The following EIF4A3 variants were observed in gnomAD, a reference collection of about 807,000 sequenced individuals.
EIF4A3 encodes eukaryotic initiation factor 4A-III.
In EIF4A3, 1 loss-of-function variant was observed where a neutral mutation model predicts 55.6. That is an observed-to-expected ratio of 0.02 (90% CI 0.01 to 0.09). EIF4A3 has a LOEUF of 0.09. EIF4A3 is among the 10% of genes least tolerant of loss of function. EIF4A3 has a pLI of 1.00. For synonymous variants in EIF4A3, 194 were observed against 196.3 expected (o/e 0.99, Z 0.10); for missense variants, 221 against 540.7 (o/e 0.41, Z 5.86).
chr17:80,138,981 G>T (rs753819652), intron 7 of EIF4A3, 40 bp downstream of exon 7: 2 of 1,601,702 alleles, frequency 1.2e-6, no homozygotes, highest in East Asian at 4.5e-5. Flanking sequence ...TTATAAATGC[G>T]GCCCAGTGTT....
intron 1 of EIF4A3, 47 bp downstream of exon 1, chr17:80,146,746 G>A (rs766575376): frequency 3.2e-6 from 5 of 1,573,716 alleles, no homozygotes; most frequent in South Asian, 1.1e-5. Flanking sequence ...CCCCCGGCTC[G>A]CCCCCGACTC....
At chr17:80,135,725 G>A (rs538804767) in intron 11 of EIF4A3, 42 of 608,200 alleles carry the variant, frequency 6.9e-5, no homozygotes, top group African/African-American at 5.6e-4. Context: ...GTGAAACCCC[G>A]TCTCTACTAA....
chr17:80,135,753 G>C, intron 11 of EIF4A3: 1 of 609,258 alleles, frequency 1.6e-6, no homozygotes, highest in Non-Finnish European at 2.9e-6. Flanking sequence ...AAAATTAGCT[G>C]GCTATGGTGC....
chr17:80,142,484 G>A lies in EIF4A3; in HGVS notation c.243-636C>T, dbSNP rs958064567. ...CCTCATGTCACGGCGTGGTGGCTCA[G>A]GCCTGTATTCCCAACACTCTGGGAC... On this transcript the variant is annotated intron_variant, in intron 2 of 11. Coordinates refer to ENST00000649764, the MANE Select transcript of EIF4A3 (RefSeq NM_014740.4). Among the ~76,000 whole-genome samples the A allele has an allele frequency of 3.3e-5, 5 of 152,126 alleles. No individual in the cohort carries two copies. In the South Asian group the frequency reaches 1.0e-3, roughly 31 times the overall value.
At position 80,147,076 on chromosome 17, in the gene EIF4A3, C is replaced by A; in HGVS notation, c.-115G>T. On this transcript the variant is annotated 5_prime_UTR_variant, in exon 1 of 12. Transcript: ENST00000649764. ...CGCTGCCGACCTCGCTGTGCCGCTG[C>A]CGACCTCGCTGTGCCGCTGCCGACC... 7.3e-7 allele frequency: 1 copy of A among 1,369,864 alleles called. No individual in the cohort carries two copies. Among genetic ancestry groups the A allele is most frequent in the East Asian group, 3.0e-5 (1 of 33,162 alleles). The allele number at this position is 1,369,864 out of a possible 1,614,324, so 84.9% of individuals were successfully genotyped here. A position where few individuals can be genotyped will look rare whatever the true frequency, so the allele number is the denominator to read the frequency against.
At chr17:80,145,598 G>T (rs371840135) in intron 1 of EIF4A3, among the ~76,000 whole-genome samples, 4 of 152,074 alleles carry the variant, frequency 2.6e-5, no homozygotes, top group African/African-American at 9.7e-5. Flanking sequence ...GAGAACTACA[G>T]GATAAAAAAT....
chr17:80,144,354 C>G (rs907720583), intron 1 of EIF4A3, 110 bp from the exon 2 acceptor site: 2 of 950,008 alleles, frequency 2.1e-6, no homozygotes, highest in African/African-American at 3.3e-5. Context: ...TGTCCTCCAG[C>G]CTAACCCAGT....
At chr17:80,146,543 G>T (rs1274757963) in intron 1 of EIF4A3, among the ~76,000 whole-genome samples, 1 of 152,230 alleles carries the variant, frequency 6.6e-6, no homozygotes, top group Non-Finnish European at 1.5e-5. Flanking sequence ...GCCTCGAAGC[G>T]GCTGCAGCCC....
At chr17:80,138,815 G>T in intron 7 of EIF4A3, 3 of 668,024 alleles carry the variant, frequency 4.5e-6, no homozygotes, top group East Asian at 3.0e-5. Flanking sequence ...AGCCTATTTG[G>T]TTTTTTAAAA....
At position 80,135,976 on chromosome 17, in the gene EIF4A3, A is replaced by G. The variant is rs540652425; in HGVS notation, c.1219+28T>C. 1.0e-5 allele frequency: 16 copies of G among 1,606,644 alleles called. No individual in the cohort carries two copies. The South Asian group carries it at 1.7e-4, about 17-fold the overall frequency. On this transcript the variant is annotated intron_variant, in intron 11 of 11. Transcript: ENST00000649764. ...TAAGAATAGGGAAGTTCCCTCTACAATTACAGTAGAGCTGGACGATTTCCT... is the reference window on the plus strand; with the variant it reads ...TAAGAATAGGGAAGTTCCCTCTACAGTTACAGTAGAGCTGGACGATTTCCT...
At chr17:80,135,955 A>G in intron 11 of EIF4A3, 49 bp downstream of exon 11, 1 of 1,587,234 alleles carries the variant, frequency 6.3e-7, no homozygotes, top group Non-Finnish European at 8.6e-7. Flanking sequence ...CCAAACTAAG[A>G]ATAGGGAAGT....
At chr17:80,143,214 G>A (rs2039631864) in intron 2 of EIF4A3, among the ~76,000 whole-genome samples, 1 of 152,134 alleles carries the variant, frequency 6.6e-6, no homozygotes. Flanking sequence ...AACACAAGGA[G>A]GTTCCGGGAG....
intron 6 of EIF4A3, 193 bp downstream of exon 6, chr17:80,139,477 T>C: frequency 1.6e-6 from 1 of 637,612 alleles, no homozygotes; most frequent in Non-Finnish European, 2.6e-6. Flanking sequence ...CTGGCCTGAG[T>C]CACCCACAAT....
intron 11 of EIF4A3, 199 bp downstream of exon 11, chr17:80,135,805 G>T (rs1176171571): frequency 4.6e-6 from 3 of 654,266 alleles, no homozygotes; most frequent in East Asian, 5.5e-5. Flanking sequence ...TGAGGCAGGA[G>T]AATTGCTTGA....
At chr17:80,138,926 A>G (rs2039595340) in intron 7 of EIF4A3, 95 bp downstream of exon 7, 1 of 1,525,396 alleles carries the variant, frequency 6.6e-7, no homozygotes, top group Non-Finnish European at 8.9e-7. Flanking sequence ...CAACACAGCC[A>G]GACTCTGGCT....
rs992402288 is a variant in EIF4A3 at position 80,134,721 on chromosome 17, G to T, written c.*769C>A. ...CACCTGTAGTCCCAGCTACTCAGGA[G>T]GGTGAGGTGAGAGGATCGCTTGAGC... On this transcript the variant is annotated 3_prime_UTR_variant, in exon 12 of 12. Coordinates refer to ENST00000649764, the MANE Select transcript of EIF4A3 (RefSeq NM_014740.4). 6.6e-6 allele frequency among the ~76,000 whole-genome samples: 1 copy of T among 152,194 alleles called. No individual in the cohort carries two copies. Among genetic ancestry groups the T allele is most frequent in the Non-Finnish European group, 1.5e-5 (1 of 68,026 alleles).
rs559225712 is a variant in EIF4A3, at chr17:80,137,660, C to T, written c.868-159G>A. The T allele has an allele frequency of 2.6e-3, 1,582 of 620,250 alleles. 6 individuals are homozygous for T. The highest frequency in any genetic ancestry group is 3.6e-3 in the Non-Finnish European group (1,289 of 361,734). The allele number at this position is 620,250 out of a possible 1,614,324, so 38.4% of individuals were successfully genotyped here. On this transcript the variant is annotated intron_variant, in intron 8 of 11. Coordinates refer to ENST00000649764, the MANE Select transcript of EIF4A3 (RefSeq NM_014740.4). ...TCCTAACTGGATGTAAAAACTTTTT[C>T]CCAGAAAATGTTGGGGTGCACTCAC...
Position 80,146,886 on chromosome 17 carries a change from C to T in EIF4A3, c.76G>A (p.Val26Met), listed in dbSNP as rs2039669566. Residue 26 changes from valine (V) to methionine (M), a missense_variant, in exon 1 of 12, where the codon GTG becomes ATG. Coordinates refer to ENST00000649764, the MANE Select transcript of EIF4A3 (RefSeq NM_014740.4). ...RLLKEEDMTKVEFETSEEVDV... is the reference protein window; with the variant it reads ...RLLKEEDMTKMEFETSEEVDV... ...ACCTCCTCGCTGGTCTCGAATTCCA[C>T]TTTAGTCATGTCTTCCTCTTTGAGC... 2 of 1,611,588 alleles carry T rather than the reference C, an allele frequency of 1.2e-6. No individual in the cohort carries two copies. The highest frequency in any genetic ancestry group is 1.1e-5 in the South Asian group (1 of 90,994).
chr17:80,136,991 G>A (rs1204965025), intron 9 of EIF4A3: 3 of 165,990 alleles, frequency 1.8e-5, no homozygotes, highest in African/African-American at 7.2e-5. Flanking sequence ...CAGCACATAT[G>A]TTAAGCTGAC....
Sources: gnomAD v4.1 joint callset for allele counts (sites outside exome capture counted in the v4.1 genomes callset) on GRCh38, gnomAD v4.1.1 for gene constraint, MANE v1.5 for transcripts, NCBI Gene and HGNC (gene_info 2026-07-23, HGNC 2026-07-21) for gene names.